ABCC8: variants seen among roughly 807,000 people sequenced by gnomAD.
ABCC8 encodes the protein ATP binding cassette subfamily C member 8.
Under a neutral mutation model 188.0 loss-of-function variants are expected in ABCC8, and 137 were observed. The ratio of observed to expected loss-of-function variants is 0.73; its 90% CI spans 0.63 to 0.84. The LOEUF (loss-of-function observed/expected upper bound fraction) is 0.84, where lower values mean the gene tolerates loss of function less well. Ranked by LOEUF, ABCC8 falls within the 40% of genes least tolerant of loss-of-function variation. The probability of loss-of-function intolerance (pLI) is 0.00; values close to 1 mark genes in which losing one functional copy is unlikely to be tolerated. For synonymous variants in ABCC8, 797 were observed against 846.5 expected, an observed-to-expected ratio of 0.94 and a Z score of 1.01; for missense variants, 1,750 against 2,072.7, an observed-to-expected ratio of 0.84 and a Z score of 3.02.
chr11:17,464,855 T>C (rs1196800030), intron 3 of ABCC8, among the ~76,000 whole-genome samples: 1 of 152,198 alleles, frequency 6.6e-6, no homozygotes, highest in Non-Finnish European at 1.5e-5. Context: ...GTCAGCTTCA[T>C]GACACAGAGC....
At chr11:17,409,778 CA>C (rs1392947217) in intron 22 of ABCC8, among the ~76,000 whole-genome samples, 1 of 152,084 alleles carries the variant, frequency 6.6e-6, no homozygotes, top group Admixed American at 6.5e-5. Flanking sequence ...TCTAATGAAT[CA>C]AAAAGTAATT....
Position 17,425,372 on chromosome 11 carries a change from A to T in ABCC8, c.2222+1677T>A, listed in dbSNP as rs532140323. On this transcript the variant is annotated intron_variant, in intron 16 of 38. Coordinates refer to ENST00000389817, the MANE Select transcript of ABCC8 (RefSeq NM_000352.6). ...AACGGGGGTGCATGTTGATATTCAG[A>T]CATTGGGCCCAAAGTCTTTCTCCCT... Among the ~76,000 whole-genome samples, 12 of 152,338 alleles carry T rather than the reference A, an allele frequency of 7.9e-5. No homozygotes were observed. The South Asian group carries it at 2.1e-3, about 26-fold the overall frequency.
chr11:17,448,439 A>T, intron 8 of ABCC8, 77 bp downstream of exon 8: 1 of 1,293,512 alleles, frequency 7.7e-7, no homozygotes, highest in Non-Finnish European at 1.1e-6. Flanking sequence ...GTGTGCTCCT[A>T]GTTACTGGCC....
At chr11:17,414,842 C>T (rs980218854) in intron 18 of ABCC8, among the ~76,000 whole-genome samples, 1 of 152,072 alleles carries the variant, frequency 6.6e-6, no homozygotes, top group Non-Finnish European at 1.5e-5. Flanking sequence ...CTGCCCTACA[C>T]CCAGCCTGCC....
Position 17,474,968 on chromosome 11 carries a change from C to T in ABCC8, c.208G>A (p.Gly70Arg), listed in dbSNP as rs764349043. 63 of 1,614,030 alleles carry T rather than the reference C, an allele frequency of 3.9e-5. No homozygotes were observed. Among genetic ancestry groups the T allele is most frequent in the Admixed American group, 5.0e-5 (3 of 59,980 alleles). Residue 70 changes from glycine (G) to arginine (R), a missense_variant, in exon 2 of 39, where the codon GGG (glycine) becomes AGG (arginine). Coordinates refer to ENST00000389817, the MANE Select transcript of ABCC8 (RefSeq NM_000352.6). Reference sequence around the variant, plus strand: ...GTCAGGATCCACCGCAGGTTGTGCCCAGGGAAATGAAGCCATGTGCTGTGG... The same window carrying T: ...GTCAGGATCCACCGCAGGTTGTGCCTAGGGAAATGAAGCCATGTGCTGTGG... ...IHHSTWLHFP[G>R]HNLRWILTFM...
Position 17,397,255 on chromosome 11 carries a change from C to A in ABCC8, c.3926G>T (p.Gly1309Val). The A allele has an allele frequency of 1.2e-6, 2 of 1,613,648 alleles. No homozygotes were observed. Among genetic ancestry groups the A allele is most frequent in the South Asian group, 1.1e-5 (1 of 91,088 alleles). The part of the protein sequence containing the change: ...RNLADMELQL[G>V]AVKRIHGLLK... ...GAGCCCATGGATGCGCTTCACAGCC[C>A]CCAGCTGGAGCTCCATGTCTGCCAG... Residue 1309 changes from glycine to valine, a missense_variant, in exon 32 of 39, where the codon GGG (glycine) becomes GTG (valine). Coordinates refer to ENST00000389817, the MANE Select transcript of ABCC8 (RefSeq NM_000352.6).
chr11:17,404,412 A>G lies in ABCC8; in HGVS notation c.3557+100T>C, dbSNP rs1954403103. On this transcript the variant is annotated intron_variant, in intron 28 of 38. Transcript: ENST00000389817. This position sits in a 1 kb window ranked among gnomAD's most constrained non-coding sequence, Gnocchi z 4.7. ...TCTGTTTTTTGTTTTTATTTTTTGGAGGGAACACGACCCTATTACTCTCAT... is the reference window on the plus strand; with the variant it reads ...TCTGTTTTTTGTTTTTATTTTTTGGGGGGAACACGACCCTATTACTCTCAT... 5 of 1,230,406 alleles carry G rather than the reference A, an allele frequency of 4.1e-6. No homozygotes were observed. The highest frequency in any genetic ancestry group is 6.0e-6 in the Non-Finnish European group (5 of 837,418). The allele number at this position is 1,230,406 out of a possible 1,614,324, so 76.2% of individuals were successfully genotyped here.
At chr11:17,402,261 G>A (rs1236965546) in intron 29 of ABCC8, among the ~76,000 whole-genome samples, 2 of 152,224 alleles carry the variant, frequency 1.3e-5, no homozygotes, top group Admixed American at 1.3e-4. Flanking sequence ...GAGGGTTGCA[G>A]TGCAGAATGA....
chr11:17,448,848 G>T, intron 7 of ABCC8, 177 bp from the exon 8 acceptor site: 1 of 351,406 alleles, frequency 2.8e-6, no homozygotes, highest in Non-Finnish European at 4.0e-6. Flanking sequence ...CTCCAGCACA[G>T]CAAGCTACTT....
At chr11:17,474,042 TTC>T (rs1261853117) in intron 2 of ABCC8, among the ~76,000 whole-genome samples, 1 of 152,130 alleles carries the variant, frequency 6.6e-6, no homozygotes, top group Non-Finnish European at 1.5e-5. Context: ...GCACCACCAG[TTC>T]TCTCTCTCCT....
At chr11:17,415,208 C>A in intron 18 of ABCC8, 96 bp downstream of exon 18, 2 of 1,522,780 alleles carry the variant, frequency 1.3e-6, no homozygotes, top group South Asian at 2.4e-5. Flanking sequence ...GGGCTGGGGT[C>A]TGGGGGCTGC....
At chr11:17,448,957 C>T (rs981270273) in intron 7 of ABCC8, among the ~76,000 whole-genome samples, 11 of 152,172 alleles carry the variant, frequency 7.2e-5, no homozygotes, top group African/African-American at 1.9e-4. Context: ...GACAGAGTCT[C>T]GCTCTGCTTC....
intron 6 of ABCC8, among the ~76,000 whole-genome samples, chr11:17,456,379 A>G (rs1487088365): frequency 6.6e-6 from 1 of 152,220 alleles, no homozygotes; most frequent in Non-Finnish European, 1.5e-5. Flanking sequence ...CTGCAGAGGT[A>G]GGACTAAAAC....
chr11:17,415,750 C>T (rs1463254515), intron 17 of ABCC8, among the ~76,000 whole-genome samples: 1 of 152,202 alleles, frequency 6.6e-6, no homozygotes, highest in East Asian at 1.9e-4. Context: ...GCAAGGAGTG[C>T]TCTGGACAGA....
At chr11:17,407,474 G>T in intron 23 of ABCC8, 21 bp from the exon 24 acceptor site, 1 of 1,614,140 alleles carries the variant, frequency 6.2e-7, no homozygotes, top group Non-Finnish European at 8.5e-7. Context: ...GATGTGGCCT[G>T]GGCAATGTCT....
intron 6 of ABCC8, among the ~76,000 whole-genome samples, chr11:17,455,475 C>G (rs893117177): frequency 1.3e-4 from 20 of 152,272 alleles, no homozygotes; most frequent in African/African-American, 3.6e-4. Flanking sequence ...CTCTCCGCCC[C>G]CAACAAAATA....
chr11:17,432,368 G>A, intron 10 of ABCC8, 124 bp from the exon 11 acceptor site: 2 of 1,536,036 alleles, frequency 1.3e-6, no homozygotes, highest in Non-Finnish European at 1.8e-6. Context: ...AGCTCCAGTA[G>A]GCTAGGGGCA....
intron 16 of ABCC8, among the ~76,000 whole-genome samples, chr11:17,422,365 G>C (rs933372945): frequency 1.3e-5 from 2 of 152,006 alleles, no homozygotes; most frequent in African/African-American, 4.8e-5. Flanking sequence ...ATCATCCTTT[G>C]TCATAAGCAT....
At chr11:17,461,336 T>C in intron 5 of ABCC8, 1 of 558,636 alleles carries the variant, frequency 1.8e-6, no homozygotes, top group South Asian at 2.0e-5. Flanking sequence ...TTTCCCCATC[T>C]GGATAAGGAC....
Sources: gnomAD v4.1 joint callset for allele counts (sites outside exome capture counted in the v4.1 genomes callset) on GRCh38, gnomAD v4.1.1 for gene constraint, Gnocchi (gnomAD v3.1) non-coding constraint, MANE v1.5 for transcripts, NCBI Gene and HGNC (gene_info 2026-07-23, HGNC 2026-07-21) for gene names.